HIPK3: variants seen among roughly 807,000 people sequenced by gnomAD.
HIPK3 encodes homeodomain-interacting protein kinase 3.
Under a neutral mutation model 124.2 loss-of-function variants are expected in HIPK3, and 47 were observed. The ratio of observed to expected loss-of-function variants is 0.38; its 90% CI spans 0.30 to 0.48. HIPK3 has a LOEUF of 0.48. Among genes scored for constraint, HIPK3 ranks in the 20% least tolerant of loss-of-function variants. The pLI, the probability that HIPK3 is intolerant of heterozygous loss-of-function variation, is 0.98. For synonymous variants in HIPK3, 482 were observed against 515.2 expected, an observed-to-expected ratio of 0.94 and a Z score of 0.87; for missense variants, 1,286 against 1,454.3, an observed-to-expected ratio of 0.88 and a Z score of 1.88.
upstream of HIPK3, chr11:33,257,296 CAGCGCTGCCG>C: frequency 1.0e-6 from 1 of 983,218 alleles, no homozygotes; most frequent in Non-Finnish European, 1.2e-6. Flanking sequence ...GCTGGGCGCG[CAGCGCTGCCG>C]GGCGGGCGGT....
At chr11:33,266,182 TATG>T (rs1409499047) in intron 1 of HIPK3, among the ~76,000 whole-genome samples, 1 of 151,724 alleles carries the variant, frequency 6.6e-6, no homozygotes, top group Non-Finnish European at 1.5e-5. Context: ...TGAGCAAGTA[TATG>T]ATAAGTGAAA....
At chr11:33,281,033 T>G in intron 1 of HIPK3, among the ~76,000 whole-genome samples, 1 of 151,804 alleles carries the variant, frequency 6.6e-6, no homozygotes, top group East Asian at 1.9e-4. Context: ...TGATTAGAGT[T>G]TTATGTGTAT....
chr11:33,286,779 C>T lies in HIPK3; in HGVS notation c.365C>T (p.Pro122Leu), dbSNP rs551845395. ...WRNRLHFLEG[P>L]QRCGLKRKSE... ...AACAGATTGCATTTCCTAGAAGGCC[C>T]CCAGCGATGTGGATTGAAGCGCAAG... The change falls in exon 2 of 17, where the codon CCC becomes CTC. Residue 122 changes from proline (P) to leucine (L), a missense_variant. Physicochemically the swap from Pro to Leu is moderately conservative, Grantham distance 98. Around this residue, in one of 3 missense-constraint regions of HIPK3, gnomAD observed 225 missense variants for 240.3 expected, o/e 0.94. Coordinates refer to ENST00000303296, the MANE Select transcript of HIPK3 (RefSeq NM_005734.5). 11 of 1,614,066 alleles carry T rather than the reference C, an allele frequency of 6.8e-6. No homozygotes were observed. The Admixed American group carries it at 1.2e-4, about 17-fold the overall frequency.
chr11:33,264,602 G>A (rs2133864782), intron 1 of HIPK3, among the ~76,000 whole-genome samples: 1 of 152,222 alleles, frequency 6.6e-6, no homozygotes, highest in East Asian at 1.9e-4. Flanking sequence ...ATTGTCTTAA[G>A]GATGCTAGAA....
intron 1 of HIPK3, among the ~76,000 whole-genome samples, chr11:33,277,191 C>T (rs1157434459): frequency 6.6e-6 from 1 of 152,130 alleles, no homozygotes; most frequent in African/African-American, 2.4e-5. Context: ...CCTTCCTTCT[C>T]TTTTCTTCCT....
chr11:33,272,181 TGA>T (rs1275395855), intron 1 of HIPK3, among the ~76,000 whole-genome samples: 11 of 152,204 alleles, frequency 7.2e-5, no homozygotes, highest in African/African-American at 2.6e-4. Context: ...GTGGATCACT[TGA>T]GATCAGGAGT....
chr11:33,335,090 G>C (rs1311971840), intron 3 of HIPK3, among the ~76,000 whole-genome samples: 1 of 152,142 alleles, frequency 6.6e-6, no homozygotes, highest in African/African-American at 2.4e-5. Flanking sequence ...GGATGGTGTT[G>C]CTATTAACCA....
chr11:33,285,130 T>TC (rs1280012066), intron 1 of HIPK3, among the ~76,000 whole-genome samples: 1 of 152,226 alleles, frequency 6.6e-6, no homozygotes, highest in Admixed American at 6.5e-5. Context: ...GTTTATAAAA[T>TC]CATTATACAT....
At chr11:33,324,373 A>G (rs266494) in intron 2 of HIPK3, among the ~76,000 whole-genome samples, 2,107 of 152,300 alleles carry the variant, frequency 0.014, 53 homozygotes, top group African/African-American at 0.048. Flanking sequence ...TACATAGAAA[A>G]TGCATGGCAT....
chr11:33,270,159 A>G (rs980541184), intron 1 of HIPK3, among the ~76,000 whole-genome samples: 8 of 151,062 alleles, frequency 5.3e-5, no homozygotes, highest in Non-Finnish European at 7.4e-5. Context: ...TTGTATTTGC[A>G]GTAGAAATGG....
intron 1 of HIPK3, chr11:33,258,779 C>G (rs535613241): frequency 2.3e-4 from 219 of 955,478 alleles, no homozygotes; most frequent in Non-Finnish European, 2.7e-4. Flanking sequence ...TTACCTTGGA[C>G]TTGTTACAGA....
intron 1 of HIPK3, among the ~76,000 whole-genome samples, chr11:33,283,025 C>T (rs1851452638): frequency 6.6e-6 from 1 of 151,992 alleles, no homozygotes; most frequent in Non-Finnish European, 1.5e-5. Flanking sequence ...AAAGAACAAT[C>T]AGTTGATGGA....
intron 2 of HIPK3, among the ~76,000 whole-genome samples, chr11:33,315,477 G>A (rs865908882): frequency 3.7e-4 from 57 of 152,026 alleles, no homozygotes; most frequent in Non-Finnish European, 2.8e-4. Flanking sequence ...CACCTGCCTC[G>A]GCCTCCCAAG....
At chr11:33,345,765 C>G (rs1238305668) in intron 8 of HIPK3, among the ~76,000 whole-genome samples, 7 of 151,990 alleles carry the variant, frequency 4.6e-5, no homozygotes, top group Non-Finnish European at 1.5e-5. Context: ...TGACTCATAC[C>G]TGGCTCTTTA....
Position 33,339,415 on chromosome 11 carries a change from T to C in HIPK3, c.1494T>C (p.Phe498=). ...CTGAGAAAGCTGATAGAAGAGAATTTGTTAGTCTGTTGAAGAAAATGTTGC... is the reference window on the plus strand; with the variant it reads ...CTGAGAAAGCTGATAGAAGAGAATTCGTTAGTCTGTTGAAGAAAATGTTGC... ...LLAEKADRRE[F]VSLLKKMLLI... Residue 498 remains phenylalanine, a synonymous_variant, in exon 6 of 17, where the codon TTT becomes TTC. Coordinates refer to ENST00000303296, the MANE Select transcript of HIPK3 (RefSeq NM_005734.5). The C allele has an allele frequency of 6.2e-7, 1 of 1,613,720 alleles. No individual in the cohort carries two copies. Among genetic ancestry groups the C allele is most frequent in the Non-Finnish European group, 8.5e-7 (1 of 1,179,694 alleles).
At chr11:33,311,939 C>CT (rs1565079263) in intron 2 of HIPK3, among the ~76,000 whole-genome samples, 17 of 105,288 alleles carry the variant, frequency 1.6e-4, no homozygotes, top group Admixed American at 5.8e-4. Flanking sequence ...ACACACACTA[C>CT]ACACACACAC....
At chr11:33,278,750 A>G (rs1851334729) in intron 1 of HIPK3, among the ~76,000 whole-genome samples, 1 of 152,132 alleles carries the variant, frequency 6.6e-6, no homozygotes, top group South Asian at 2.1e-4. Context: ...AGGCTGAGGC[A>G]GGAGAATGGC....
At position 33,286,987 on chromosome 11, in the gene HIPK3, C is replaced by T. The variant is rs746663053; in HGVS notation, c.573C>T (p.Cys191=). The T allele has an allele frequency of 1.2e-6, 2 of 1,614,122 alleles. No homozygotes were observed. The highest frequency in any genetic ancestry group is 1.1e-5 in the South Asian group (1 of 91,082). Reference sequence around the variant, plus strand: ...AGTTAGTACAGCATGAAGTCTTATGCTCCATGAAAAATACTTACGAAGTCC... The same window carrying T: ...AGTTAGTACAGCATGAAGTCTTATGTTCCATGAAAAATACTTACGAAGTCC... ...DYQLVQHEVL[C]SMKNTYEVLD... is the part of the protein sequence containing the mutation. The change falls in exon 2 of 17, where the codon TGC becomes TGT. Residue 191 remains cysteine (C), a synonymous_variant. Coordinates refer to ENST00000303296, the MANE Select transcript of HIPK3 (RefSeq NM_005734.5).
In HIPK3 at chr11:33,352,213, G is replaced by A. The variant is rs780252862; in HGVS notation, c.3119G>A (p.Arg1040His). The stretch of plus-strand genomic sequence containing the variant: ...AACCAGCCTTCTGCAGTGGGTACTC[G>A]TCAGCAAAAATTGACATCAGCATTC... ...RLNQPSAVGT[R>H]QQKLTSAFQQ... is the part of the protein sequence containing the mutation. The change falls in exon 16 of 17, where the codon CGT (arginine) becomes CAT (histidine). Residue 1040 changes from arginine (R) to histidine (H), a missense_variant. Physicochemically the swap from Arg to His is conservative, Grantham distance 29. Coordinates refer to ENST00000303296, the MANE Select transcript of HIPK3 (RefSeq NM_005734.5). The A allele has an allele frequency of 1.5e-5, 24 of 1,613,874 alleles. No individual in the cohort carries two copies. Among genetic ancestry groups the A allele is most frequent in the Admixed American group, 3.3e-5 (2 of 59,990 alleles).
Sources: allele counts gnomAD v4.1 joint callset (sites outside exome capture counted in the v4.1 genomes callset), GRCh38; gene constraint gnomAD v4.1.1; regional missense constraint gnomAD v4.1.1; transcripts MANE v1.5; gene names NCBI Gene and HGNC (gene_info 2026-07-23, HGNC 2026-07-21).